Variants in PARD3B observed in about 807,000 individuals in gnomAD.
The protein encoded by PARD3B is par-3 family cell polarity regulator beta.
A neutral mutation model predicts 130.2 loss-of-function variants in PARD3B; 103 were observed. The observed-to-expected ratio is 0.79, with a 90% CI of 0.67 to 0.93. PARD3B has a LOEUF of 0.93. Among genes scored for constraint, PARD3B ranks in the 40% least tolerant of loss-of-function variants. PARD3B has a pLI of 0.00. For missense variants in PARD3B, 1,609 were observed against 1,499.2 expected, an observed-to-expected ratio of 1.07 and a Z score of -1.21; for synonymous variants, 583 against 553.2, an observed-to-expected ratio of 1.05 and a Z score of -0.76.
At chr2:205,561,317 C>A (rs1039706968) in intron 22 of PARD3B, among the ~76,000 whole-genome samples, 1 of 152,160 alleles carries the variant, frequency 6.6e-6, no homozygotes, top group African/African-American at 2.4e-5. Flanking sequence ...TCCAGCAATG[C>A]CACAGTACTG....
rs1047998111 is a variant in PARD3B, at chr2:205,183,831, G to A, written c.1925-1933G>A. ...GGCCATGGAGACAGGCACATCCCAGGATCTGCAGGATGAGTCAGCAAGCTG... is the reference window on the plus strand; with the variant it reads ...GGCCATGGAGACAGGCACATCCCAGAATCTGCAGGATGAGTCAGCAAGCTG... On this transcript the variant is annotated intron_variant, in intron 13 of 22. Coordinates refer to ENST00000406610, the MANE Select transcript of PARD3B (RefSeq NM_001302769.2). This position sits in a 1 kb window ranked among gnomAD's most constrained non-coding sequence, Gnocchi z 5.2. Among the ~76,000 whole-genome samples the A allele has an allele frequency of 1.7e-4, 26 of 151,128 alleles. No homozygotes were observed. The highest frequency in any genetic ancestry group is 6.1e-4 in the African/African-American group (25 of 41,280).
intron 2 of PARD3B, among the ~76,000 whole-genome samples, chr2:204,862,878 G>A (rs527728028): frequency 1.3e-5 from 2 of 152,330 alleles, no homozygotes; most frequent in South Asian, 4.1e-4. Context: ...CAAAGTGAGA[G>A]AGAGTCCTGC....
chr2:205,245,848 T>C, intron 16 of PARD3B, 26 bp downstream of exon 16: 4 of 1,551,920 alleles, frequency 2.6e-6, no homozygotes, highest in Non-Finnish European at 3.6e-6. Context: ...TAACTGACTA[T>C]ATTCCTCTTC....
At chr2:205,086,486 C>G (rs1162362206) in intron 4 of PARD3B, among the ~76,000 whole-genome samples, 1 of 152,162 alleles carries the variant, frequency 6.6e-6, no homozygotes, top group East Asian at 1.9e-4. Flanking sequence ...ACACCTAGTT[C>G]TGCATGGTTT....
intron 2 of PARD3B, among the ~76,000 whole-genome samples, chr2:204,818,001 A>C (rs1387892283): frequency 1.3e-5 from 2 of 152,076 alleles, no homozygotes; most frequent in Non-Finnish European, 2.9e-5. Flanking sequence ...AGTATTTCTT[A>C]AGGGAGAAAT....
intron 4 of PARD3B, among the ~76,000 whole-genome samples, chr2:205,056,545 G>A (rs1172914876): frequency 6.6e-6 from 1 of 151,498 alleles, no homozygotes; most frequent in Non-Finnish European, 1.5e-5. Flanking sequence ...TAACTGGTGT[G>A]AAGCACTGGA....
At chr2:205,601,829 C>T (rs1404860832) in intron 22 of PARD3B, among the ~76,000 whole-genome samples, 5 of 145,568 alleles carry the variant, frequency 3.4e-5, no homozygotes, top group African/African-American at 7.8e-5. Context: ...CAAACAGAGA[C>T]AGTCTGACTT....
Position 205,203,475 on chromosome 2 carries a change from T to C in PARD3B, c.2140+10155T>C, listed in dbSNP as rs553492633. On this transcript the variant is annotated intron_variant, in intron 15 of 22. Coordinates refer to ENST00000406610, the MANE Select transcript of PARD3B (RefSeq NM_001302769.2). ...CTTTTTACTTTTTATTTTTTTACTA[T>C]ACTATACTGGGATACATGTGGAGAA... Among the ~76,000 whole-genome samples the C allele has an allele frequency of 4.0e-5, 6 of 151,784 alleles. 1 individual carries two copies. The East Asian group carries it at 1.2e-3, about 29-fold the overall frequency.
In PARD3B at chr2:205,146,702, A is replaced by C. The variant is rs1174358694; in HGVS notation, c.1435-12020A>C. ...GTTTGTTCCTGAATCTTATGTTCAT[A>C]TAAAAGGACACATTCTTTTTTTATT... On this transcript the variant is annotated intron_variant, in intron 10 of 22. Transcript: ENST00000406610. This position sits in a 1 kb window ranked among gnomAD's most constrained non-coding sequence, Gnocchi z 4.3. 6.6e-6 allele frequency among the ~76,000 whole-genome samples: 1 copy of C among 152,064 alleles called. No individual in the cohort carries two copies. Among genetic ancestry groups the C allele is most frequent in the Admixed American group, 6.6e-5 (1 of 15,264 alleles).
At chr2:205,044,420 C>T (rs1208168268) in intron 3 of PARD3B, among the ~76,000 whole-genome samples, 1 of 148,520 alleles carries the variant, frequency 6.7e-6, no homozygotes, top group African/African-American at 2.5e-5. Flanking sequence ...ACAGTCCCAC[C>T]AACAGTGTCA....
intron 4 of PARD3B, among the ~76,000 whole-genome samples, chr2:205,093,725 A>G (rs993362605): frequency 6.6e-6 from 1 of 152,172 alleles, no homozygotes; most frequent in Non-Finnish European, 1.5e-5. Context: ...AGATTATTTT[A>G]ATGGGACAGT....
In PARD3B at chr2:204,646,369, T is replaced by C. The variant is rs145368987; in HGVS notation, c.121-39812T>C. Among the ~76,000 whole-genome samples the C allele has an allele frequency of 3.7e-3, 566 of 152,236 alleles. 2 individuals are homozygous for C. The highest frequency in any genetic ancestry group is 0.013 in the African/African-American group (541 of 41,572). The stretch of plus-strand genomic sequence containing the variant: ...CATTCAGTTTAGTTTTTCGTGTTTT[T>C]TGAACTGTATATGAATGTACTCATA... On this transcript the variant is annotated intron_variant, in intron 1 of 22. Coordinates refer to ENST00000406610, the MANE Select transcript of PARD3B (RefSeq NM_001302769.2).
rs759268291 is a variant in PARD3B at position 205,564,299 on chromosome 2, G to A, written c.3260+10896G>A. Among the ~76,000 whole-genome samples, 5 of 152,142 alleles carry A rather than the reference G, an allele frequency of 3.3e-5. No individual in the cohort carries two copies. The highest frequency in any genetic ancestry group is 7.4e-5 in the Non-Finnish European group (5 of 68,022). On this transcript the variant is annotated intron_variant, in intron 22 of 22. Transcript: ENST00000406610. This position sits in a 1 kb window ranked among gnomAD's most constrained non-coding sequence, Gnocchi z 4.6. Reference sequence around the variant, plus strand: ...TGATCCCACCCTAAATCACTGCAGTGTATATTAAAATGAGCATTTCAATGG... The same window carrying A: ...TGATCCCACCCTAAATCACTGCAGTATATATTAAAATGAGCATTTCAATGG...
At chr2:205,067,862 A>G (rs1700486628) in intron 4 of PARD3B, among the ~76,000 whole-genome samples, 1 of 152,128 alleles carries the variant, frequency 6.6e-6, no homozygotes, top group Non-Finnish European at 1.5e-5. Flanking sequence ...CATTTATCAA[A>G]CACCTTTGGC....
intron 2 of PARD3B, among the ~76,000 whole-genome samples, chr2:204,801,657 A>T (rs940237308): frequency 6.6e-6 from 1 of 152,156 alleles, no homozygotes; most frequent in African/African-American, 2.4e-5. Context: ...GGAAACAGAG[A>T]CAATTTGACT....
rs185505191 is a variant in PARD3B, at chr2:205,465,862, A to G, written c.3044+25190A>G. On this transcript the variant is annotated intron_variant, in intron 20 of 22. Coordinates refer to ENST00000406610, the MANE Select transcript of PARD3B (RefSeq NM_001302769.2). Reference sequence around the variant, plus strand: ...CAGCTAAAAGCTGCATTAATTGACCAGTGATAGGTTGAAAGCTGCCTCCAA... The same window carrying G: ...CAGCTAAAAGCTGCATTAATTGACCGGTGATAGGTTGAAAGCTGCCTCCAA... Among the ~76,000 whole-genome samples the G allele has an allele frequency of 7.9e-4, 121 of 152,322 alleles. 1 individual carries two copies. Among genetic ancestry groups the G allele is most frequent in the African/African-American group, 2.8e-3 (116 of 41,580 alleles).
intron 18 of PARD3B, among the ~76,000 whole-genome samples, chr2:205,380,356 T>TATATAAAGAATATATATTATATATA (rs1292771171): frequency 2.3e-4 from 6 of 26,174 alleles, no homozygotes; most frequent in South Asian, 1.8e-3. Context: ...TAATATATAA[T>TATATAAAGAATATATATTATATATA]ATATAAAGAA....
chr2:205,607,704 G>A (rs1378537851), intron 22 of PARD3B, among the ~76,000 whole-genome samples: 1 of 152,126 alleles, frequency 6.6e-6, no homozygotes, highest in African/African-American at 2.4e-5. Context: ...AGCCCATCAA[G>A]TAGAGTGGCA....
chr2:205,284,289 G>A (rs912981830), intron 16 of PARD3B, among the ~76,000 whole-genome samples: 4 of 152,040 alleles, frequency 2.6e-5, no homozygotes, highest in African/African-American at 7.3e-5. Flanking sequence ...GCTCTGTGAC[G>A]GGTTGTTTTT....
Sources: gnomAD v4.1 joint callset for allele counts (sites outside exome capture counted in the v4.1 genomes callset) on GRCh38, gnomAD v4.1.1 for gene constraint, Gnocchi (gnomAD v3.1) non-coding constraint, MANE v1.5 for transcripts, NCBI Gene and HGNC (gene_info 2026-07-23, HGNC 2026-07-21) for gene names.